Variants in OLFML2A observed in about 807,000 individuals in gnomAD.
The protein encoded by OLFML2A is olfactomedin-like protein 2A.
A neutral mutation model predicts 60.9 loss-of-function variants in OLFML2A; 47 were observed. That is an observed-to-expected ratio of 0.77 (90% CI 0.61 to 0.98). OLFML2A has a LOEUF of 0.98. Ranked by LOEUF, OLFML2A falls within the 50% of genes least tolerant of loss-of-function variation. The probability of loss-of-function intolerance (pLI) is 0.00; values close to 1 mark genes in which losing one functional copy is unlikely to be tolerated. For missense variants in OLFML2A, 922 were observed against 879.8 expected (o/e 1.05, Z -0.61); for synonymous variants, 372 against 375.0 (o/e 0.99, Z 0.09).
intron 3 of OLFML2A, among the ~76,000 whole-genome samples, chr9:124,796,608 C>G (rs902063575): frequency 6.6e-6 from 1 of 152,228 alleles, no homozygotes; most frequent in Non-Finnish European, 1.5e-5. Context: ...TTTGTTCACC[C>G]TGGGAGGAGG....
intron 2 of OLFML2A, among the ~76,000 whole-genome samples, chr9:124,788,646 C>G (rs1841523370): frequency 6.6e-6 from 1 of 152,022 alleles, no homozygotes; most frequent in African/African-American, 2.4e-5. Flanking sequence ...CTTGAGCCTC[C>G]CATAGGAAGA....
intron 6 of OLFML2A, among the ~76,000 whole-genome samples, chr9:124,807,230 G>A (rs1363043967): frequency 1.3e-5 from 2 of 150,700 alleles, no homozygotes; most frequent in African/African-American, 4.9e-5. Flanking sequence ...GGCCGAGTTT[G>A]ACTATTTTAG....
rs765085749 is a variant in OLFML2A, at chr9:124,801,541, G to A, written c.797G>A (p.Ser266Asn). The A allele has an allele frequency of 6.2e-7, 1 of 1,614,104 alleles. No homozygotes were observed. The highest frequency in any genetic ancestry group is 1.1e-5 in the South Asian group (1 of 91,086). ...CAGGTGGAGAAGCTGAGAAAGGAGA[G>A]CGGCAAGGGCAGTTTCCTCCAGCCC... The part of the protein sequence containing the change: ...LLQVEKLRKE[S>N]GKGSFLQPTA... Residue 266 changes from serine to asparagine, a missense_variant, in exon 5 of 8, where the codon AGC becomes AAC. Transcript: ENST00000373580.
chr9:124,778,366 A>G lies in OLFML2A; in HGVS notation c.90+1006A>G, dbSNP rs1192783132. Among the ~76,000 whole-genome samples the G allele has an allele frequency of 2.7e-5, 4 of 150,430 alleles. No individual in the cohort carries two copies. In the East Asian group the frequency reaches 5.8e-4, roughly 22 times the overall value. On this transcript the variant is annotated intron_variant, in intron 1 of 7. Coordinates refer to ENST00000373580, the MANE Select transcript of OLFML2A (RefSeq NM_182487.4). ...ACAGAGCGAGACTCCGTGTCAAAAA[A>G]AAAAAGAAAAAAAAAAAATACTTAG...
At chr9:124,792,737 C>G (rs1332452360) in intron 2 of OLFML2A, among the ~76,000 whole-genome samples, 2 of 152,194 alleles carry the variant, frequency 1.3e-5, no homozygotes, top group Non-Finnish European at 2.9e-5. Flanking sequence ...CTAGGAGGAG[C>G]CATCAGTGCT....
chr9:124,794,284 C>T (rs747107186), intron 2 of OLFML2A, among the ~76,000 whole-genome samples: 47 of 152,312 alleles, frequency 3.1e-4, no homozygotes, highest in Non-Finnish European at 3.2e-4. Flanking sequence ...AGGACGTATA[C>T]TCCCTGGCAC....
intron 1 of OLFML2A, among the ~76,000 whole-genome samples, chr9:124,785,636 G>A (rs896403760): frequency 2.0e-5 from 3 of 151,086 alleles, no homozygotes; most frequent in Non-Finnish European, 4.4e-5. Flanking sequence ...TCCTGACCTC[G>A]TGATCTGCCT....
Position 124,802,841 on chromosome 9 carries a change from C to T in OLFML2A, c.919+1178C>T, listed in dbSNP as rs186160564. On this transcript the variant is annotated intron_variant, in intron 5 of 7. Transcript: ENST00000373580. ...TTCTCTGAGCCCCTCACCCAGCTGA[C>T]CAGGAGGTCCCCTGGGCACCAGACC... Among the ~76,000 whole-genome samples the T allele has an allele frequency of 5.3e-3, 805 of 152,324 alleles. 5 individuals are homozygous for T. The highest frequency in any genetic ancestry group is 0.01 in the Middle Eastern group (3 of 294).
intron 1 of OLFML2A, 54 bp from the exon 2 acceptor site, chr9:124,786,921 C>T: frequency 6.4e-7 from 1 of 1,559,802 alleles, no homozygotes. Flanking sequence ...TTCCTCCCTG[C>T]CATAGCACTG....
At chr9:124,802,604 C>G (rs1841798828) in intron 5 of OLFML2A, among the ~76,000 whole-genome samples, 1 of 152,212 alleles carries the variant, frequency 6.6e-6, no homozygotes, top group South Asian at 2.1e-4. Flanking sequence ...TGCCTAAGAA[C>G]AGCTGCAGGC....
chr9:124,809,005 A>G (rs563483285), intron 7 of OLFML2A, among the ~76,000 whole-genome samples: 9 of 142,116 alleles, frequency 6.3e-5, no homozygotes, highest in African/African-American at 2.8e-4. Flanking sequence ...AAAAATTAAA[A>G]AAAAAAAAAA....
At chr9:124,807,151 T>G (rs1031003468) in intron 6 of OLFML2A, among the ~76,000 whole-genome samples, 1 of 149,758 alleles carries the variant, frequency 6.7e-6, no homozygotes, top group East Asian at 2.0e-4. Flanking sequence ...CTTCAAGTCT[T>G]GAGTTCAAGT....
chr9:124,779,343 A>G lies in OLFML2A; in HGVS notation c.90+1983A>G, dbSNP rs1354742648. ...AGGTATGATGACAAGTGAGTAGAAA[A>G]TCCTAGGTAACCTGATCAGTGCCTT... is the stretch of plus-strand genomic sequence containing the variant. On this transcript the variant is annotated intron_variant, in intron 1 of 7. Transcript: ENST00000373580. This position sits in a 1 kb window ranked among gnomAD's most constrained non-coding sequence, Gnocchi z 4.1. Among the ~76,000 whole-genome samples, 1 of 152,124 alleles carries G rather than the reference A, an allele frequency of 6.6e-6. No homozygotes were observed.
At position 124,792,197 on chromosome 9, in the gene OLFML2A, C is replaced by G. The variant is rs1841581366; in HGVS notation, c.355-2827C>G. Reference sequence around the variant, plus strand: ...GCACTACCTGTGCCCCTGATTCTGGCACCTATGTGTCACTGCCTCTGTCCC... The same window carrying G: ...GCACTACCTGTGCCCCTGATTCTGGGACCTATGTGTCACTGCCTCTGTCCC... On this transcript the variant is annotated intron_variant, in intron 2 of 7. Coordinates refer to ENST00000373580, the MANE Select transcript of OLFML2A (RefSeq NM_182487.4). 5.9e-5 allele frequency among the ~76,000 whole-genome samples: 9 copies of G among 152,178 alleles called. No individual in the cohort carries two copies. In the South Asian group the frequency reaches 1.9e-3, roughly 32 times the overall value.
rs200551394 is a variant in OLFML2A at position 124,804,086 on chromosome 9, C to T, written c.920-8C>T. The T allele has an allele frequency of 4.8e-5, 77 of 1,613,678 alleles. 1 individual carries two copies. In the Middle Eastern group the frequency reaches 8.3e-4, roughly 17 times the overall value. ...TGAGATTTGAGCACAGGGGTCTTCTCTCTGCAGACAACACCCTCCAGGGCA... is the reference window on the plus strand; with the variant it reads ...TGAGATTTGAGCACAGGGGTCTTCTTTCTGCAGACAACACCCTCCAGGGCA... On this transcript the variant is annotated splice_polypyrimidine_tract_variant and splice_region_variant and intron_variant, in intron 5 of 7. Transcript: ENST00000373580.
chr9:124,794,998 C>A, intron 2 of OLFML2A, 26 bp from the exon 3 acceptor site: 3 of 1,436,408 alleles, frequency 2.1e-6, no homozygotes, highest in South Asian at 1.2e-5. Context: ...GCACTCTTTG[C>A]CTAACCATCC....
At chr9:124,786,749 GACACACACACAC>G (rs3138850) in intron 1 of OLFML2A, among the ~76,000 whole-genome samples, 2,450 of 129,794 alleles carry the variant, frequency 0.019, 78 homozygotes, top group East Asian at 0.14. Context: ...CAGAGACGTA[GACACACACACAC>G]ACACACACAC....
At chr9:124,787,594 C>G (rs1198049480) in intron 2 of OLFML2A, among the ~76,000 whole-genome samples, 1 of 125,324 alleles carries the variant, frequency 8.0e-6, no homozygotes, top group Non-Finnish European at 1.7e-5. Flanking sequence ...GAGTCTCGCT[C>G]TGTCACCCAG....
intron 4 of OLFML2A, among the ~76,000 whole-genome samples, chr9:124,800,209 G>A (rs1355122693): frequency 3.3e-5 from 5 of 152,234 alleles, no homozygotes; most frequent in Non-Finnish European, 5.9e-5. Flanking sequence ...TGGGTATGTG[G>A]CTTGGCAAAT....
Sources: gnomAD v4.1 joint callset for allele counts (sites outside exome capture counted in the v4.1 genomes callset) on GRCh38, gnomAD v4.1.1 for gene constraint, Gnocchi (gnomAD v3.1) non-coding constraint, MANE v1.5 for transcripts, NCBI Gene and HGNC (gene_info 2026-07-23, HGNC 2026-07-21) for gene names.